Variants in OSBPL9 observed in about 807,000 individuals in gnomAD.
OSBPL9 encodes the protein oxysterol binding protein like 9, also known as oxysterol-binding protein-related protein 9.
In OSBPL9, 40 loss-of-function variants were observed where a neutral mutation model predicts 106.6. The ratio of observed to expected loss-of-function variants is 0.38; its 90% confidence interval spans 0.29 to 0.49. OSBPL9 has a LOEUF of 0.49. Among genes scored for constraint, OSBPL9 ranks in the 20% least tolerant of loss-of-function variants. OSBPL9 has a pLI of 0.97. For missense variants in OSBPL9, 609 were observed against 887.2 expected (o/e 0.69, Z 3.98); for synonymous variants, 269 against 295.4 (o/e 0.91, Z 0.92).
intron 3 of OSBPL9, 154 bp downstream of exon 3, chr1:51,669,666 A>T: frequency 1.1e-5 from 7 of 661,710 alleles, no homozygotes; most frequent in Non-Finnish European, 1.4e-5. Flanking sequence ...ACTGCAGGTT[A>T]GGCAGGGATT....
chr1:51,636,464 A>G (rs940427139), intron 1 of OSBPL9, among the ~76,000 whole-genome samples: 7 of 151,814 alleles, frequency 4.6e-5, no homozygotes, highest in South Asian at 4.2e-4. Context: ...CAGCCTCCCA[A>G]GTAGCTGGGA....
At chr1:51,719,210 A>AG (rs890658646) in intron 4 of OSBPL9, among the ~76,000 whole-genome samples, 1 of 152,238 alleles carries the variant, frequency 6.6e-6, no homozygotes, top group African/African-American at 2.4e-5. Context: ...AAGATAACTA[A>AG]GATCTTCTTC....
At chr1:51,748,535 A>G in intron 7 of OSBPL9, 137 bp downstream of exon 7, 1 of 997,408 alleles carries the variant, frequency 1.0e-6, no homozygotes, top group Non-Finnish European at 1.3e-6. Flanking sequence ...GTGCTTAAGC[A>G]TTGTATTTTT....
chr1:51,699,397 A>G (rs1656767365), intron 3 of OSBPL9, among the ~76,000 whole-genome samples: 1 of 151,910 alleles, frequency 6.6e-6, no homozygotes, highest in Non-Finnish European at 1.5e-5. Context: ...ACACACATAT[A>G]CACTCACATA....
chr1:51,620,118 C>T (rs1644334498), intron 1 of OSBPL9, among the ~76,000 whole-genome samples: 2 of 152,078 alleles, frequency 1.3e-5, no homozygotes, highest in South Asian at 4.1e-4. Context: ...TTACACAAGC[C>T]TCACCTTAGT....
At chr1:51,530,186 A>C in the OSBPL9 span, among the ~76,000 whole-genome samples, 10 of 105,138 alleles carry the variant, frequency 9.5e-5, 1 homozygote, top group African/African-American at 2.8e-4. Context: ...AAAAAAAAAA[A>C]AAAAAACAAA....
At chr1:51,573,689 CT>C (rs1645166231), upstream of OSBPL9, among the ~76,000 whole-genome samples, 1 of 151,058 alleles carries the variant, frequency 6.6e-6, no homozygotes. Flanking sequence ...TGGCGTGAGC[CT>C]TTAGTCCCAA....
chr1:51,530,176 A>AAAAAAAAAAACAAAAC, the OSBPL9 span, among the ~76,000 whole-genome samples: 4 of 107,724 alleles, frequency 3.7e-5, no homozygotes, highest in Non-Finnish European at 5.7e-5. Context: ...GTCTCAAAAA[A>AAAAAAAAAAACAAAAC]AAAAAAAAAA....
intron 2 of OSBPL9, among the ~76,000 whole-genome samples, chr1:51,604,688 C>T (rs1643928644): frequency 6.6e-6 from 1 of 152,100 alleles, no homozygotes; most frequent in African/African-American, 2.4e-5. Context: ...GAGTCTCGCT[C>T]TTTCTCCCAG....
intron 1 of OSBPL9, among the ~76,000 whole-genome samples, chr1:51,625,282 T>C (rs1176113384): frequency 6.6e-6 from 1 of 152,248 alleles, no homozygotes; most frequent in African/African-American, 2.4e-5. Context: ...GTGGCAATTG[T>C]ATGATTAGAT....
chr1:51,559,995 G>C, the OSBPL9 span, among the ~76,000 whole-genome samples: 12,497 of 152,184 alleles, frequency 0.082, 1,295 homozygotes, highest in African/African-American at 0.25. Flanking sequence ...CCCAACACAT[G>C]CTCCTGGTTA....
Position 51,729,863 on chromosome 1 carries a change from G to A in OSBPL9, c.319-15673G>A, listed in dbSNP as rs561440645. On this transcript the variant is annotated intron_variant, in intron 4 of 23. Transcript: ENST00000428468. The surrounding 1 kb of genome is among the most constrained non-coding windows in gnomAD (Gnocchi z 5.1). Reference sequence around the variant, plus strand: ...GGGGGACGGGCTGAACCTCAGTCAGGACCGCCTGCACCGCAGTCCGGGGAT... The same window carrying A: ...GGGGGACGGGCTGAACCTCAGTCAGAACCGCCTGCACCGCAGTCCGGGGAT... 1.0e-5 allele frequency: 13 copies of A among 1,249,638 alleles called. No homozygotes were observed. In the South Asian group the frequency reaches 4.9e-4, roughly 47 times the overall value. 77.4% of individuals were successfully genotyped at this position (1,249,638 alleles called of 1,614,324 possible). A position where few individuals can be genotyped will look rare whatever the true frequency, so the allele number is the denominator to read the frequency against.
At chr1:51,747,933 G>A (rs968419438) in intron 6 of OSBPL9, among the ~76,000 whole-genome samples, 1 of 152,032 alleles carries the variant, frequency 6.6e-6, no homozygotes, top group Non-Finnish European at 1.5e-5. Context: ...GGGACTACAG[G>A]TGCCTGCCAC....
chr1:51,547,518 A>G, the OSBPL9 span, among the ~76,000 whole-genome samples: 3 of 152,192 alleles, frequency 2.0e-5, no homozygotes, highest in Non-Finnish European at 4.4e-5. Context: ...TAATTATCTA[A>G]GTGGGAAACA....
chr1:51,781,016 C>CA, intron 15 of OSBPL9, 148 bp from the exon 16 acceptor site: 1 of 621,052 alleles, frequency 1.6e-6, no homozygotes, highest in Non-Finnish European at 2.8e-6. Context: ...ATATTATACT[C>CA]AATTTTAAAA....
intron 3 of OSBPL9, among the ~76,000 whole-genome samples, chr1:51,695,919 C>T (rs1223306844): frequency 2.6e-5 from 4 of 152,068 alleles, no homozygotes; most frequent in African/African-American, 9.7e-5. Flanking sequence ...ACAACTTGAG[C>T]AAAAGCAGAG....
the OSBPL9 span, among the ~76,000 whole-genome samples, chr1:51,564,052 C>CAAAAAAAAAAAAAAAAAAA: frequency 5.1e-4 from 14 of 27,382 alleles, no homozygotes; most frequent in East Asian, 1.7e-3. Flanking sequence ...GAGATCATCT[C>CAAAAAAAAAAAAAAAAAAA]AAAAAAAAAA....
the OSBPL9 span, among the ~76,000 whole-genome samples, chr1:51,568,084 G>T: frequency 3.3e-5 from 5 of 152,212 alleles, no homozygotes; most frequent in African/African-American, 1.2e-4. Context: ...GCAACAATGG[G>T]GTTCTACCCC....
At chr1:51,776,711 G>A (rs1046972968) in intron 14 of OSBPL9, 122 bp from the exon 15 acceptor site, 21 of 662,058 alleles carry the variant, frequency 3.2e-5, no homozygotes, top group Non-Finnish European at 4.7e-5. Flanking sequence ...TGGGCAATAT[G>A]TGGTGGATGT....
Sources: allele counts gnomAD v4.1 joint callset (sites outside exome capture counted in the v4.1 genomes callset), GRCh38; gene constraint gnomAD v4.1.1; non-coding constraint Gnocchi (gnomAD v3.1); transcripts MANE v1.5; gene names NCBI Gene and HGNC (gene_info 2026-07-23, HGNC 2026-07-21).